MYLK3: variants seen among roughly 807,000 people sequenced by gnomAD.
MYLK3 encodes the protein myosin light chain kinase 3, also known as MLC kinase.
A neutral mutation model predicts 76.3 loss-of-function variants in MYLK3; 55 were observed. That is an observed-to-expected ratio of 0.72 (90% CI 0.58 to 0.90). The LOEUF is 0.90. Ranked by LOEUF, MYLK3 falls within the 40% of genes least tolerant of loss-of-function variation. The probability of loss-of-function intolerance (pLI) is 0.00; values close to 1 mark genes in which losing one functional copy is unlikely to be tolerated. For missense variants in MYLK3, 973 were observed against 1,053.6 expected (o/e 0.92, Z 1.06); for synonymous variants, 416 against 425.4 (o/e 0.98, Z 0.27).
At chr16:46,759,647 T>C (rs906270564) in intron 1 of MYLK3, among the ~76,000 whole-genome samples, 1 of 152,020 alleles carries the variant, frequency 6.6e-6, no homozygotes, top group Non-Finnish European at 1.5e-5. Context: ...TTTTTTAATT[T>C]TTTTTATTTT....
In MYLK3 at chr16:46,702,549, A is replaced by T. The variant is rs1966584800; in HGVS notation, c.*5155T>A. 6.6e-6 allele frequency among the ~76,000 whole-genome samples: 1 copy of T among 152,238 alleles called. No individual in the cohort carries two copies. The highest frequency in any genetic ancestry group is 2.4e-5 in the African/African-American group (1 of 41,456). On this transcript the variant is annotated 3_prime_UTR_variant, in exon 13 of 13. Coordinates refer to ENST00000394809, the MANE Select transcript of MYLK3 (RefSeq NM_182493.3). ...TTCATAATCTAAATGTCTCAAAAATATCTTTTTATTGCTTGCTCAAATCAG... is the reference window on the plus strand; with the variant it reads ...TTCATAATCTAAATGTCTCAAAAATTTCTTTTTATTGCTTGCTCAAATCAG...
intron 1 of MYLK3, among the ~76,000 whole-genome samples, chr16:46,759,892 C>T (rs543999528): frequency 6.6e-6 from 1 of 152,314 alleles, no homozygotes; most frequent in East Asian, 1.9e-4. Flanking sequence ...CTTGGCATCC[C>T]AAAGTGCGGG....
At position 46,702,907 on chromosome 16, in the gene MYLK3, G is replaced by A; in HGVS notation, c.*4797C>T. Among the ~76,000 whole-genome samples the A allele has an allele frequency of 6.9e-6, 1 of 143,986 alleles. No individual in the cohort carries two copies. Among genetic ancestry groups the A allele is most frequent in the East Asian group, 2.1e-4 (1 of 4,716 alleles). The allele number at this position is 143,986 out of a possible 152,430, so 94.5% of individuals were successfully genotyped here. A position where few individuals can be genotyped will look rare whatever the true frequency, so the allele number is the denominator to read the frequency against. Reference sequence around the variant, plus strand: ...CTGCACTCCAGCCTGGCAACAGAGTGAGACTCCATCTTGGAAAGAAAAAAA... The same window carrying A: ...CTGCACTCCAGCCTGGCAACAGAGTAAGACTCCATCTTGGAAAGAAAAAAA... On this transcript the variant is annotated 3_prime_UTR_variant, in exon 13 of 13. Coordinates refer to ENST00000394809, the MANE Select transcript of MYLK3 (RefSeq NM_182493.3).
Position 46,748,198 on chromosome 16 carries a change from G to C in MYLK3, c.-5C>G, listed in dbSNP as rs765950515. Reference sequence around the variant, plus strand: ...CTCCTTGGAGGTTCCTGACATGCTGGTGCAGGCTTGACAAGGGCAAGAGCG... The same window carrying C: ...CTCCTTGGAGGTTCCTGACATGCTGCTGCAGGCTTGACAAGGGCAAGAGCG... On this transcript the variant is annotated 5_prime_UTR_variant, in exon 1 of 13. Coordinates refer to ENST00000394809, the MANE Select transcript of MYLK3 (RefSeq NM_182493.3). The surrounding 1 kb of genome is among the most constrained non-coding windows in gnomAD (Gnocchi z 4.3). The C allele has an allele frequency of 1.9e-6, 3 of 1,609,702 alleles. No homozygotes were observed. Among genetic ancestry groups the C allele is most frequent in the Non-Finnish European group, 1.7e-6 (2 of 1,177,418 alleles).
chr16:46,747,310 G>A (rs548297896), intron 1 of MYLK3, among the ~76,000 whole-genome samples: 6 of 152,294 alleles, frequency 3.9e-5, no homozygotes, highest in South Asian at 4.1e-4. Flanking sequence ...AGGAGGTGGC[G>A]GGTGGGTTTC....
intron 1 of MYLK3, among the ~76,000 whole-genome samples, chr16:46,754,391 T>C (rs901678318): frequency 1.3e-5 from 2 of 152,028 alleles, no homozygotes; most frequent in African/African-American, 4.8e-5. Context: ...TGTGGCAGTA[T>C]TGAGAGGTAA....
At chr16:46,729,767 C>T (rs1364815139) in intron 5 of MYLK3, 80 bp from the exon 6 acceptor site, 3 of 1,222,058 alleles carry the variant, frequency 2.5e-6, no homozygotes, top group Admixed American at 3.5e-5. Flanking sequence ...GGGTCCAACT[C>T]ATCCACACAC....
At chr16:46,720,598 C>A (rs1966789459) in intron 9 of MYLK3, among the ~76,000 whole-genome samples, 1 of 152,164 alleles carries the variant, frequency 6.6e-6, no homozygotes. Context: ...CCCTCATAAC[C>A]ACCCCATGCC....
intron 10 of MYLK3, chr16:46,711,109 AT>A: frequency 3.4e-6 from 1 of 294,216 alleles, no homozygotes; most frequent in Non-Finnish European, 6.5e-6. Flanking sequence ...GTACACATTG[AT>A]TTAATTTTAG....
chr16:46,728,061 T>C (rs1299013202), intron 7 of MYLK3, among the ~76,000 whole-genome samples: 6 of 152,210 alleles, frequency 3.9e-5, no homozygotes, highest in African/African-American at 1.4e-4. Flanking sequence ...GAAGCAAACA[T>C]GTTCTGAAGA....
rs1432770288 is a variant in MYLK3 at position 46,705,789 on chromosome 16, C to T, written c.*1915G>A. The T allele has an allele frequency of 3.9e-5, 6 of 151,940 alleles. No homozygotes were observed. The highest frequency in any genetic ancestry group is 1.5e-4 in the African/African-American group (6 of 41,344). The allele number at this position is 151,940 out of a possible 1,614,324, so 9.4% of individuals were successfully genotyped here. The stretch of plus-strand genomic sequence containing the variant: ...GCAGGTGGATCGCTTGAGCTCAAGA[C>T]CAGGTTGGGCAACATGGCAAAACCC... On this transcript the variant is annotated 3_prime_UTR_variant, in exon 13 of 13. Coordinates refer to ENST00000394809, the MANE Select transcript of MYLK3 (RefSeq NM_182493.3).
Position 46,727,352 on chromosome 16 carries a change from G to A in MYLK3, c.1798C>T (p.Arg600Trp), listed in dbSNP as rs202097167. 3.0e-5 allele frequency: 49 copies of A among 1,612,458 alleles called. No individual in the cohort carries two copies. Among genetic ancestry groups the A allele is most frequent in the Admixed American group, 2.7e-4 (16 of 59,950 alleles). ...EYVDGGELFD[R>W]ITDEKYHLTE... ...AGGTGGTACTTCTCATCTGTGATCC[G>A]GTCGAAGAGCTCACCCCCGTCCACG... Residue 600 changes from arginine (R) to tryptophan (W), a missense_variant, in exon 8 of 13, where the codon CGG becomes TGG. By Grantham distance (101) the Arg-to-Trp change is moderately radical. Coordinates refer to ENST00000394809, the MANE Select transcript of MYLK3 (RefSeq NM_182493.3).
rs1449469155 is a variant in MYLK3, at chr16:46,737,733, T to A, written c.979A>T (p.Ser327Cys). 1 of 1,604,832 alleles carries A rather than the reference T, an allele frequency of 6.2e-7. No individual in the cohort carries two copies. Among genetic ancestry groups the A allele is most frequent in the Non-Finnish European group, 8.5e-7 (1 of 1,174,718 alleles). Residue 327 changes from serine (S) to cysteine (C), a missense_variant, in exon 3 of 13, where the codon AGT becomes TGT. By Grantham distance (112) the Ser-to-Cys change is moderately radical. Transcript: ENST00000394809. ...TACCTTGGAGGTGTTTCTCCACCAC[T>A]GTGGGTTGCCCTGGCCTGGGCTGGC... The part of the protein sequence containing the change: ...GLPAQARATH[S>C]GGETPPRISI...
chr16:46,721,079 G>A (rs1225400015), intron 9 of MYLK3, 44 bp downstream of exon 9: 3 of 1,549,600 alleles, frequency 1.9e-6, no homozygotes, highest in Middle Eastern at 1.7e-4. Flanking sequence ...GCCACAAAGA[G>A]TCCCAAGGAA....
upstream of MYLK3, among the ~76,000 whole-genome samples, chr16:46,752,966 G>A (rs749805380): frequency 5.3e-5 from 8 of 152,178 alleles, no homozygotes; most frequent in Non-Finnish European, 7.3e-5. Context: ...CCCCTCCAGA[G>A]ACTTCACGGT....
intron 8 of MYLK3, chr16:46,726,560 G>GT (rs1214820776): frequency 6.7e-6 from 1 of 150,068 alleles, no homozygotes; most frequent in Non-Finnish European, 1.5e-5. Context: ...GAGAGGCCCT[G>GT]TCTCCAAAAA....
At chr16:46,717,570 C>T (rs1966756587) in intron 9 of MYLK3, among the ~76,000 whole-genome samples, 1 of 152,030 alleles carries the variant, frequency 6.6e-6, no homozygotes, top group African/African-American at 2.4e-5. Flanking sequence ...GCACCCTGTT[C>T]TCAGCCCATA....
chr16:46,730,539 C>G (rs1173646747), intron 5 of MYLK3, 54 bp downstream of exon 5: 22 of 1,492,458 alleles, frequency 1.5e-5, no homozygotes, highest in Non-Finnish European at 2.1e-5. Context: ...TGGTCCCGAC[C>G]CTGCCCCGTG....
intron 1 of MYLK3, among the ~76,000 whole-genome samples, chr16:46,754,921 T>G (rs1349681789): frequency 6.6e-6 from 1 of 151,554 alleles, no homozygotes; most frequent in Non-Finnish European, 1.5e-5. Flanking sequence ...TTTTGAGACA[T>G]GGTCTCACTC....
Sources: allele counts gnomAD v4.1 joint callset (sites outside exome capture counted in the v4.1 genomes callset), GRCh38; gene constraint gnomAD v4.1.1; non-coding constraint Gnocchi (gnomAD v3.1); transcripts MANE v1.5; gene names NCBI Gene and HGNC (gene_info 2026-07-23, HGNC 2026-07-21).